SCFD2: variants seen among roughly 807,000 people sequenced by gnomAD.
SCFD2 encodes the protein sec1 family domain-containing protein 2.
In SCFD2, 54 loss-of-function variants were observed where a neutral mutation model predicts 58.9. The observed-to-expected ratio is 0.92, with a 90% CI of 0.74 to 1.15. The LOEUF is 1.15. Among genes scored for constraint, SCFD2 ranks in the 50% most tolerant of loss-of-function variants. The pLI is 0.00. For synonymous variants in SCFD2, 321 were observed against 335.9 expected, an observed-to-expected ratio of 0.96 and a Z score of 0.49; for missense variants, 805 against 836.6, an observed-to-expected ratio of 0.96 and a Z score of 0.47.
chr4:53,034,683 G>C (rs1481977613), intron 5 of SCFD2, among the ~76,000 whole-genome samples: 9 of 152,110 alleles, frequency 5.9e-5, no homozygotes, highest in Non-Finnish European at 7.3e-5. Flanking sequence ...ACCAATAACA[G>C]ACAAACAGAG....
Position 52,885,925 on chromosome 4 carries a change from C to T in SCFD2, c.1843-59G>A, listed in dbSNP as rs1718730201. 7 of 1,601,190 alleles carry T rather than the reference C, an allele frequency of 4.4e-6. No homozygotes were observed. The East Asian group carries it at 1.6e-4, about 36-fold the overall frequency. ...TGGCAGTGATGCAGGCACAATGCAG[C>T]TGGGTACCATCTTCATTGTCCCTCT... On this transcript the variant is annotated intron_variant, in intron 7 of 8. Transcript: ENST00000401642.
At chr4:53,048,844 C>G (rs530093534) in intron 5 of SCFD2, among the ~76,000 whole-genome samples, 9 of 152,120 alleles carry the variant, frequency 5.9e-5, no homozygotes, top group Non-Finnish European at 1.3e-4. Flanking sequence ...TCCTCTGCCT[C>G]CCCATTTCCT....
At chr4:53,225,931 C>T (rs1351939287) in intron 4 of SCFD2, among the ~76,000 whole-genome samples, 3 of 152,018 alleles carry the variant, frequency 2.0e-5, no homozygotes, top group Admixed American at 1.3e-4. Context: ...CAATATTTTC[C>T]GGTAGTTTAC....
chr4:52,972,983 CA>C (rs1295408878), intron 5 of SCFD2, among the ~76,000 whole-genome samples: 1 of 152,132 alleles, frequency 6.6e-6, no homozygotes, highest in East Asian at 1.9e-4. Flanking sequence ...AACAAAGACA[CA>C]ACATACCGGA....
chr4:53,347,115 T>G (rs1235907134), intron 2 of SCFD2, among the ~76,000 whole-genome samples: 3 of 152,218 alleles, frequency 2.0e-5, no homozygotes, highest in African/African-American at 7.2e-5. Context: ...ATCAGTGTCT[T>G]AAACATTCTC....
chr4:52,986,052 G>A (rs953426640), intron 5 of SCFD2, among the ~76,000 whole-genome samples: 11 of 151,916 alleles, frequency 7.2e-5, no homozygotes, highest in African/African-American at 2.4e-4. Flanking sequence ...CTGTGACGTC[G>A]CAGTCAAGCA....
chr4:53,020,405 T>C (rs1722317689), intron 5 of SCFD2, among the ~76,000 whole-genome samples: 1 of 152,164 alleles, frequency 6.6e-6, no homozygotes, highest in Non-Finnish European at 1.5e-5. Context: ...TGTCCAGTTG[T>C]TTTTTAGAAA....
intron 4 of SCFD2, among the ~76,000 whole-genome samples, chr4:53,205,832 A>G (rs2148973065): frequency 6.6e-6 from 1 of 152,126 alleles, no homozygotes; most frequent in South Asian, 2.1e-4. Flanking sequence ...ACTGTACTCC[A>G]GCCTGGGCTA....
At chr4:52,997,064 A>G (rs1025793009) in intron 5 of SCFD2, among the ~76,000 whole-genome samples, 1 of 152,244 alleles carries the variant, frequency 6.6e-6, no homozygotes, top group Non-Finnish European at 1.5e-5. Flanking sequence ...AGGGGCATGC[A>G]TGACTCCAGG....
intron 3 of SCFD2, among the ~76,000 whole-genome samples, chr4:53,297,719 C>T (rs1263069593): frequency 6.6e-6 from 1 of 152,060 alleles, no homozygotes; most frequent in Non-Finnish European, 1.5e-5. Flanking sequence ...GGTTATTTTG[C>T]CCGTTAGTTG....
chr4:53,202,149 A>G (rs572675492), intron 4 of SCFD2, among the ~76,000 whole-genome samples: 1 of 151,970 alleles, frequency 6.6e-6, no homozygotes, highest in Non-Finnish European at 1.5e-5. Context: ...TAGGGTTTTT[A>G]TGGTTTTAGG....
chr4:52,907,470 C>T lies in SCFD2; in HGVS notation c.1829G>A (p.Ser610Asn), dbSNP rs765154158. The change falls in exon 7 of 9, where the codon AGC (serine) becomes AAC (asparagine). Residue 610 changes from serine (S) to asparagine (N), a missense_variant. By Grantham distance (46) the Ser-to-Asn change is conservative (BLOSUM62 1). Around this residue, in one of 3 missense-constraint regions of SCFD2, gnomAD observed 633 missense variants for 646.8 expected, o/e 0.98. Coordinates refer to ENST00000401642, the MANE Select transcript of SCFD2 (RefSeq NM_152540.4). ...GLTDLLKTGF[S>N]MFMKVSRPHP... ...TGGTTACTTTACCTTCATGAACATG[C>T]TAAATCCAGTTTTAAGGAGATCAGT... 4 of 1,613,810 alleles carry T rather than the reference C, an allele frequency of 2.5e-6. No homozygotes were observed. The highest frequency in any genetic ancestry group is 1.7e-5 in the Admixed American group (1 of 60,008).
At chr4:53,190,488 T>C (rs1727860667) in intron 4 of SCFD2, among the ~76,000 whole-genome samples, 1 of 149,890 alleles carries the variant, frequency 6.7e-6, no homozygotes, top group South Asian at 2.2e-4. Context: ...TTTGTCCAAA[T>C]GTCACCTTCT....
intron 4 of SCFD2, among the ~76,000 whole-genome samples, chr4:53,163,482 A>C (rs1472206706): frequency 1.3e-5 from 2 of 152,118 alleles, no homozygotes; most frequent in Non-Finnish European, 1.5e-5. Context: ...CCAGCACTTA[A>C]GGAGGCCGAG....
chr4:53,295,756 T>C (rs575322054), intron 3 of SCFD2, among the ~76,000 whole-genome samples: 4 of 147,224 alleles, frequency 2.7e-5, no homozygotes, highest in African/African-American at 1.1e-4. Flanking sequence ...CCATTCATTA[T>C]GATATTGGCT....
intron 5 of SCFD2, among the ~76,000 whole-genome samples, chr4:52,952,362 G>A (rs959726957): frequency 2.7e-4 from 41 of 150,798 alleles, no homozygotes; most frequent in African/African-American, 1.0e-3. Flanking sequence ...ATCTTTCTGG[G>A]GGACAATCTA....
At chr4:53,264,104 C>T (rs1489829459) in intron 4 of SCFD2, among the ~76,000 whole-genome samples, 1 of 152,068 alleles carries the variant, frequency 6.6e-6, no homozygotes, top group Admixed American at 6.6e-5. Flanking sequence ...GGCTTCACCC[C>T]GCTCCCATGT....
chr4:53,080,451 T>C (rs1724107648), intron 5 of SCFD2, among the ~76,000 whole-genome samples: 1 of 152,170 alleles, frequency 6.6e-6, no homozygotes, highest in Non-Finnish European at 1.5e-5. Flanking sequence ...GTATAAACAT[T>C]GAAGACCTTA....
At chr4:53,121,498 T>G (rs2148892282) in intron 5 of SCFD2, among the ~76,000 whole-genome samples, 1 of 152,322 alleles carries the variant, frequency 6.6e-6, no homozygotes, top group Non-Finnish European at 1.5e-5. Flanking sequence ...AGCTAGGGCT[T>G]GCTGGTTATG....
Sources: gnomAD v4.1 joint callset for allele counts (sites outside exome capture counted in the v4.1 genomes callset) on GRCh38, gnomAD v4.1.1 for gene constraint, gnomAD v4.1.1 regional missense constraint, MANE v1.5 for transcripts, NCBI Gene and HGNC (gene_info 2026-07-23, HGNC 2026-07-21) for gene names.